Variants in DHX57 observed in about 807,000 individuals in gnomAD.
The protein encoded by DHX57 is DExH-box helicase 57.
DHX57 carries 105 observed loss-of-function variants against 156.2 expected under a neutral mutation model. The observed-to-expected ratio is 0.67, with a 90% confidence interval of 0.57 to 0.79. The LOEUF (loss-of-function observed/expected upper bound fraction) is 0.79. Among genes scored for constraint, DHX57 ranks in the 30% least tolerant of loss-of-function variants. The pLI, the probability that DHX57 is intolerant of heterozygous loss-of-function variation, is 0.00. For missense variants in DHX57, 1,847 were observed against 1,661.9 expected (o/e 1.11, Z -1.94); for synonymous variants, 704 against 595.6 (o/e 1.18, Z -2.65).
chr2:38,846,337 G>C (rs1286790893), intron 11 of DHX57, among the ~76,000 whole-genome samples: 4 of 152,100 alleles, frequency 2.6e-5, no homozygotes, highest in Admixed American at 6.6e-5. Flanking sequence ...AGTAAGTAGA[G>C]GGGGCCAGGC....
intron 23 of DHX57, among the ~76,000 whole-genome samples, chr2:38,799,490 G>A (rs1243692736): frequency 2.7e-5 from 4 of 145,906 alleles, no homozygotes; most frequent in African/African-American, 1.0e-4. Context: ...GGTGGCTCAC[G>A]CTTGTAATTC....
Position 38,823,162 on chromosome 2 carries a change from C to A in DHX57, c.3122G>T (p.Arg1041Leu). The change falls in exon 17 of 24, where the codon CGA (arginine) becomes CTA (leucine). Residue 1041 changes from arginine (R) to leucine (L), a missense_variant. Coordinates refer to ENST00000457308, the MANE Select transcript of DHX57 (RefSeq NM_198963.3). ...DSLRASKIRL[R>L]DLGALTPDER... ...ATCTGGAGTTAATGCTCCTAAGTCT[C>A]GTAATCGTATTTTTGAGGCACGAAG... 1 of 1,614,076 alleles carries A rather than the reference C, an allele frequency of 6.2e-7. No homozygotes were observed. The highest frequency in any genetic ancestry group is 1.1e-5 in the South Asian group (1 of 91,086).
rs201069292 is a variant in DHX57 at position 38,856,392 on chromosome 2, T to C, written c.1657A>G (p.Ile553Val). The C allele has an allele frequency of 1.2e-3, 1,891 of 1,614,046 alleles. 3 individuals are homozygous for C. Among genetic ancestry groups the C allele is most frequent in the Middle Eastern group, 3.0e-3 (18 of 6,060 alleles). ...TGGTGCTTACGCAATAAGTTAAGAA[T>C]GGTTTCTCTTTCTTCCCAAGCAGGG... Reference protein sequence around the residue: ...SLPAWEERETILNLLRKHQVV... With the variant: ...SLPAWEERETVLNLLRKHQVV... The change falls in exon 7 of 24, where the codon ATT becomes GTT. Residue 553 changes from isoleucine (I) to valine (V), a missense_variant. Ile to Val is a conservative substitution (Grantham distance 29). Transcript: ENST00000457308.
At chr2:38,833,840 GA>G (rs199947154) in intron 13 of DHX57, among the ~76,000 whole-genome samples, 7 of 151,000 alleles carry the variant, frequency 4.6e-5, no homozygotes, top group Non-Finnish European at 8.9e-5. Flanking sequence ...CTAGAAATAT[GA>G]AAAAAAATTA....
chr2:38,872,525 A>G lies in DHX57; in HGVS notation c.-7+3262T>C, dbSNP rs577045978. On this transcript the variant is annotated intron_variant, in intron 1 of 23. Coordinates refer to ENST00000457308, the MANE Select transcript of DHX57 (RefSeq NM_198963.3). ...TTCAAAGACACAATAAATGAAAAGT[A>G]AAAGGATGGAAAAAGATGATCTTGC... Among the ~76,000 whole-genome samples the G allele has an allele frequency of 3.7e-4, 56 of 152,344 alleles. 1 individual carries two copies. Among genetic ancestry groups the G allele is most frequent in the South Asian group, 1.2e-3 (6 of 4,830 alleles).
chr2:38,799,397 T>G lies in DHX57; in HGVS notation c.4018-955A>C, dbSNP rs191455187. On this transcript the variant is annotated intron_variant, in intron 23 of 23. Transcript: ENST00000457308. The stretch of plus-strand genomic sequence containing the variant: ...AAAGAAAAAAAAAGGAAAAGAAAAT[T>G]TACTGATCACCGATCACTCCACTGC... 1.3e-3 allele frequency among the ~76,000 whole-genome samples: 176 copies of G among 139,514 alleles called. 1 individual carries two copies. The highest frequency in any genetic ancestry group is 4.6e-3 in the African/African-American group (173 of 37,656). 91.5% of individuals were successfully genotyped at this position (139,514 alleles called of 152,430 possible). A position where few individuals can be genotyped will look rare whatever the true frequency, so the allele number is the denominator to read the frequency against.
intron 19 of DHX57, among the ~76,000 whole-genome samples, chr2:38,817,177 C>T (rs1479401018): frequency 6.6e-6 from 1 of 152,128 alleles, no homozygotes; most frequent in Non-Finnish European, 1.5e-5. Context: ...AAGGTTCTGC[C>T]TGCCTTGGCT....
intron 6 of DHX57, 87 bp from the exon 7 acceptor site, chr2:38,856,548 G>C (rs1672909704): frequency 1.4e-6 from 2 of 1,472,488 alleles, no homozygotes; most frequent in Middle Eastern, 2.5e-4. Context: ...TCTGTTGCCA[G>C]GCTGGAGTGC....
Position 38,861,690 on chromosome 2 carries a change from G to A in DHX57, c.720C>T (p.Ser240=), listed in dbSNP as rs1673226190. The change falls in exon 5 of 24, where the codon AGC becomes AGT. Residue 240 remains serine, a synonymous_variant. Transcript: ENST00000457308. ...MKISEAVNQI[S]LDECMEQRQE... is the part of the protein sequence containing the mutation. ...GTCGCTGTTCCATACACTCATCCAA[G>A]CTTATCTGGTTGACTGCCTCAGAGA... is the stretch of plus-strand genomic sequence containing the variant. 5 of 1,614,126 alleles carry A rather than the reference G, an allele frequency of 3.1e-6. No homozygotes were observed. The highest frequency in any genetic ancestry group is 2.2e-5 in the East Asian group (1 of 44,862).
intron 1 of DHX57, among the ~76,000 whole-genome samples, chr2:38,868,747 T>C (rs1665207435): frequency 6.6e-6 from 1 of 152,312 alleles, no homozygotes; most frequent in Non-Finnish European, 1.5e-5. Flanking sequence ...AGTGTCAAAA[T>C]ACACATGTCT....
intron 23 of DHX57, 36 bp from the exon 24 acceptor site, chr2:38,798,478 G>C: frequency 6.3e-7 from 1 of 1,579,282 alleles, no homozygotes; most frequent in South Asian, 1.2e-5. Flanking sequence ...AGTGCTTGGA[G>C]GAACAGGCAG....
At chr2:38,807,451 G>A (rs1038882918) in intron 21 of DHX57, among the ~76,000 whole-genome samples, 3 of 151,944 alleles carry the variant, frequency 2.0e-5, no homozygotes, top group Non-Finnish European at 4.4e-5. Context: ...TCCGCCTCCC[G>A]GGTTCACGCC....
intron 13 of DHX57, among the ~76,000 whole-genome samples, chr2:38,829,134 G>A (rs1446143021): frequency 1.3e-5 from 2 of 151,954 alleles, no homozygotes; most frequent in African/African-American, 4.8e-5. Flanking sequence ...GCAGAGATGG[G>A]GTTTCGCCAT....
At chr2:38,838,437 A>ATTAGGG in intron 12 of DHX57, among the ~76,000 whole-genome samples, 1 of 152,146 alleles carries the variant, frequency 6.6e-6, no homozygotes, top group African/African-American at 2.4e-5. Flanking sequence ...CCTCATCAGA[A>ATTAGGG]GTAATTTTTG....
intron 9 of DHX57, among the ~76,000 whole-genome samples, chr2:38,850,391 T>C (rs1476098023): frequency 6.6e-6 from 1 of 152,172 alleles, no homozygotes; most frequent in Non-Finnish European, 1.5e-5. Flanking sequence ...GTGATCCTCC[T>C]GCCTCAGCCT....
chr2:38,839,325 G>A (rs369327667), intron 12 of DHX57, among the ~76,000 whole-genome samples: 7 of 151,872 alleles, frequency 4.6e-5, no homozygotes, highest in East Asian at 3.9e-4. Context: ...ATGACCTATC[G>A]CCCTAACTAC....
intron 22 of DHX57, chr2:38,803,134 A>T (rs1669775476): frequency 1.8e-6 from 1 of 547,154 alleles, no homozygotes; most frequent in Admixed American, 3.4e-5. Context: ...AAAAAAAAAA[A>T]AGCTTTTATT....
intron 13 of DHX57, among the ~76,000 whole-genome samples, chr2:38,829,369 C>A (rs1671264216): frequency 6.6e-6 from 1 of 151,888 alleles, no homozygotes. Flanking sequence ...GCAACCTCCA[C>A]CTCCTGGGTT....
chr2:38,813,063 G>C (rs576599227), intron 21 of DHX57, among the ~76,000 whole-genome samples: 1 of 151,076 alleles, frequency 6.6e-6, no homozygotes, highest in African/African-American at 2.4e-5. Context: ...AGCCAGGAGG[G>C]TCTTAAACTC....
Sources: allele counts gnomAD v4.1 joint callset (sites outside exome capture counted in the v4.1 genomes callset), GRCh38; gene constraint gnomAD v4.1.1; transcripts MANE v1.5; gene names NCBI Gene and HGNC (gene_info 2026-07-23, HGNC 2026-07-21).